Variants in LY6S observed in about 807,000 individuals in gnomAD.
The protein encoded by LY6S is lymphocyte antigen 6 family member S.
the LY6S span, among the ~76,000 whole-genome samples, chr8:143,058,629 G>A: frequency 5.8e-4 from 88 of 152,328 alleles, no homozygotes; most frequent in Admixed American, 1.6e-3. Context: ...GGATAACTGC[G>A]GGCCGGTCTG....
At chr8:143,076,047 A>G in the LY6S span, among the ~76,000 whole-genome samples, 1,743 of 152,264 alleles carry the variant, frequency 0.011, 23 homozygotes, top group East Asian at 0.029. Flanking sequence ...AATGATAACA[A>G]TCTGTACCTT....
the LY6S span, among the ~76,000 whole-genome samples, chr8:143,074,254 C>G: frequency 9.5e-6 from 1 of 105,208 alleles, no homozygotes; most frequent in Non-Finnish European, 2.5e-5. Flanking sequence ...TCCTGGGATT[C>G]CAATACACAT....
the LY6S span, among the ~76,000 whole-genome samples, chr8:143,069,346 T>G: frequency 4.2e-3 from 634 of 152,318 alleles, 5 homozygotes; most frequent in African/African-American, 0.015. Context: ...TGCAGAAGCC[T>G]TTTCCCTTAG....
the LY6S span, among the ~76,000 whole-genome samples, chr8:143,064,803 C>A: frequency 6.6e-6 from 1 of 152,158 alleles, no homozygotes; most frequent in Non-Finnish European, 1.5e-5. Context: ...TGGGTCCGTG[C>A]GGGGAATTGC....
the LY6S span, among the ~76,000 whole-genome samples, chr8:143,074,888 G>A: frequency 1.3e-4 from 20 of 152,314 alleles, no homozygotes; most frequent in East Asian, 5.8e-4. Flanking sequence ...GCTCCACTGC[G>A]AGAAAGGGGC....
At chr8:143,049,299 G>A in the LY6S span, 6 of 534,460 alleles carry the variant, frequency 1.1e-5, no homozygotes, top group Non-Finnish European at 2.3e-5. Flanking sequence ...TTTCGGCTAG[G>A]TGAGCTAAAA....
the LY6S span, chr8:143,057,899 C>T: frequency 0.59 from 366,723 of 621,248 alleles, 113,384 homozygotes; most frequent in Non-Finnish European, 0.64. Context: ...CCAGCCCATG[C>T]GCAACCAGAG....
the LY6S span, among the ~76,000 whole-genome samples, chr8:143,070,461 TATAATATATATATAA>T: frequency 8.2e-4 from 36 of 43,994 alleles, no homozygotes; most frequent in East Asian, 3.3e-3. Flanking sequence ...TATATATATA[TATAATATATATATAA>T]ATATATATAT....
the LY6S span, among the ~76,000 whole-genome samples, chr8:143,065,307 G>T: frequency 4.6e-5 from 7 of 152,110 alleles, no homozygotes; most frequent in Non-Finnish European, 5.9e-5. Flanking sequence ...GGTTTGGGAG[G>T]TTTTCTCTTC....
At chr8:143,055,608 T>C in the LY6S span, among the ~76,000 whole-genome samples, 5 of 152,138 alleles carry the variant, frequency 3.3e-5, no homozygotes, top group African/African-American at 9.7e-5. Context: ...TAAGAACCAC[T>C]TACTGGCACT....
At chr8:143,052,022 C>CTGTAATCCCA in the LY6S span, among the ~76,000 whole-genome samples, 1 of 151,378 alleles carries the variant, frequency 6.6e-6, no homozygotes, top group African/African-American at 2.4e-5. Context: ...TGGCCCAAGC[C>CTGTAATCCCA]TGTAATCCCA....
the LY6S span, among the ~76,000 whole-genome samples, chr8:143,072,906 G>A: frequency 1.4e-5 from 1 of 73,914 alleles, no homozygotes; most frequent in African/African-American, 5.9e-5. Context: ...CCTGTTTGAG[G>A]AGACAGCCGT....
At chr8:143,066,264 G>C in the LY6S span, 1 of 215,866 alleles carries the variant, frequency 4.6e-6, no homozygotes, top group South Asian at 5.9e-5. Context: ...CGCCTCCCAG[G>C]TTCAAGCGAT....
At chr8:143,074,385 T>C in the LY6S span, among the ~76,000 whole-genome samples, 906 of 152,278 alleles carry the variant, frequency 5.9e-3, 7 homozygotes, top group African/African-American at 0.02. Flanking sequence ...CTCTGTGCTT[T>C]ATTTTGGATA....
At chr8:143,065,900 T>C in the LY6S span, 73 of 240,586 alleles carry the variant, frequency 3.0e-4, no homozygotes, top group Non-Finnish European at 4.5e-4. Flanking sequence ...CTTCAGTCTT[T>C]AAGGACTCAG....
At chr8:143,055,802 G>A in the LY6S span, among the ~76,000 whole-genome samples, 1 of 152,152 alleles carries the variant, frequency 6.6e-6, no homozygotes, top group Non-Finnish European at 1.5e-5. Flanking sequence ...AGCCACCCTT[G>A]CTGCCCACTC....
chr8:143,072,312 G>A, the LY6S span, among the ~76,000 whole-genome samples: 1 of 148,174 alleles, frequency 6.7e-6, no homozygotes. Context: ...CGTCGTCCCC[G>A]GGGCTCCTGT....
chr8:143,062,355 C>G, the LY6S span, among the ~76,000 whole-genome samples: 1 of 152,186 alleles, frequency 6.6e-6, no homozygotes, highest in African/African-American at 2.4e-5. Flanking sequence ...CAGAAGACCT[C>G]TACCCTGAAA....
chr8:143,076,459 T>A, the LY6S span, among the ~76,000 whole-genome samples: 1 of 152,152 alleles, frequency 6.6e-6, no homozygotes, highest in African/African-American at 2.4e-5. Context: ...GGGAGAGCTG[T>A]GCATGGAGCC....
Sources: gnomAD v4.1 joint callset for allele counts (sites outside exome capture counted in the v4.1 genomes callset) on GRCh38, gnomAD v4.1.1 for gene constraint, MANE v1.5 for transcripts, NCBI Gene and HGNC (gene_info 2026-07-23, HGNC 2026-07-21) for gene names.